The following CCDC138 variants were observed in gnomAD, a reference collection of about 807,000 sequenced individuals.
CCDC138 encodes coiled-coil domain-containing protein 138.
A neutral mutation model predicts 82.3 loss-of-function variants in CCDC138; 66 were observed. That is an observed-to-expected ratio of 0.80 (90% CI 0.66 to 0.98). CCDC138 has a LOEUF of 0.98. Ranked by LOEUF, CCDC138 falls within the 50% of genes least tolerant of loss-of-function variation. CCDC138 has a pLI of 0.00. For synonymous variants in CCDC138, 297 were observed against 265.4 expected (o/e 1.12, Z -1.16); for missense variants, 816 against 758.9 (o/e 1.08, Z -0.88).
chr2:108,857,575 C>T (rs1481612883), intron 13 of CCDC138, among the ~76,000 whole-genome samples: 3 of 152,176 alleles, frequency 2.0e-5, no homozygotes, highest in African/African-American at 4.8e-5. Context: ...TTTTCTTCTC[C>T]TGTCCCAAAA....
At chr2:108,843,876 G>GTGTGTGTGTGTGTGTGTTTGTT (rs1187530203) in intron 11 of CCDC138, among the ~76,000 whole-genome samples, 1 of 13,870 alleles carries the variant, frequency 7.2e-5, no homozygotes, top group African/African-American at 9.6e-5. Context: ...GTGTGTGTGT[G>GTGTGTGTGTGTGTGTGTTTGTT]TGTTTCTTTC....
intron 9 of CCDC138, among the ~76,000 whole-genome samples, chr2:108,814,373 G>T (rs1214576921): frequency 6.6e-6 from 1 of 152,002 alleles, no homozygotes; most frequent in African/African-American, 2.4e-5. Context: ...AAATTTTCTA[G>T]TTCTTTATAA....
chr2:108,838,022 G>A lies in CCDC138; in HGVS notation c.1207-1163G>A, dbSNP rs376068466. On this transcript the variant is annotated intron_variant, in intron 10 of 14. Transcript: ENST00000295124. ...AGACCCTTTATTGTGGTTTCCACAT[G>A]AAAGGCAATGCAGGGCAGGGTGAAT... Among the ~76,000 whole-genome samples, 170 of 152,126 alleles carry A rather than the reference G, an allele frequency of 1.1e-3. 1 individual carries two copies. In the Middle Eastern group the frequency reaches 0.017, roughly 15 times the overall value.
At chr2:108,819,194 C>T (rs560003349) in intron 10 of CCDC138, among the ~76,000 whole-genome samples, 69 of 152,248 alleles carry the variant, frequency 4.5e-4, no homozygotes, top group Non-Finnish European at 8.5e-4. Context: ...AGTTGAGAAG[C>T]TGCAGCACTC....
chr2:108,840,317 G>C, intron 11 of CCDC138, among the ~76,000 whole-genome samples: 1 of 151,886 alleles, frequency 6.6e-6, no homozygotes, highest in East Asian at 1.9e-4. Context: ...AACTCTCTTT[G>C]GTTTTGTATC....
intron 13 of CCDC138, among the ~76,000 whole-genome samples, chr2:108,860,513 G>GTT (rs113913339): frequency 3.5e-5 from 5 of 142,140 alleles, no homozygotes; most frequent in South Asian, 2.3e-4. Flanking sequence ...GGTTGTTGAG[G>GTT]TTTTTTTTTT....
chr2:108,803,605 A>G (rs1369340095), intron 6 of CCDC138, among the ~76,000 whole-genome samples: 2 of 152,152 alleles, frequency 1.3e-5, no homozygotes, highest in African/African-American at 4.8e-5. Flanking sequence ...GTGCCCAGCT[A>G]GTGGAAGTTT....
chr2:108,871,178 A>G (rs1695181969), intron 13 of CCDC138, among the ~76,000 whole-genome samples: 1 of 152,094 alleles, frequency 6.6e-6, no homozygotes, highest in Non-Finnish European at 1.5e-5. Context: ...TATACATGTT[A>G]TTTAATGAAA....
At chr2:108,840,685 T>C (rs1362821349) in intron 11 of CCDC138, among the ~76,000 whole-genome samples, 3 of 152,224 alleles carry the variant, frequency 2.0e-5, no homozygotes, top group Admixed American at 6.5e-5. Flanking sequence ...CTTCTTGATA[T>C]GGATAATTTG....
chr2:108,879,261 T>G (rs1428109275), downstream of CCDC138, among the ~76,000 whole-genome samples: 3 of 152,210 alleles, frequency 2.0e-5, no homozygotes, highest in Admixed American at 6.5e-5. Context: ...CATGAACCAA[T>G]GTGCCTAGCC....
At chr2:108,813,268 A>G (rs1478218298) in intron 9 of CCDC138, among the ~76,000 whole-genome samples, 2 of 150,596 alleles carry the variant, frequency 1.3e-5, no homozygotes, top group African/African-American at 2.4e-5. Context: ...AAAAAAAAAA[A>G]AAAAGAAAAT....
rs535876793 is a variant in CCDC138, at chr2:108,812,828, C to A, written c.942C>A (p.Tyr314Ter). Residue 314 changes from tyrosine to a stop codon, truncating the protein, a stop_gained, in exon 9 of 15, where the codon TAC becomes TAA. Coordinates refer to ENST00000295124, the MANE Select transcript of CCDC138 (RefSeq NM_144978.3). LOFTEE classifies it high-confidence loss of function. The part of the protein sequence containing the change: ...QARLDNLQRK[Y>*]EFMTIQRLKG... The stretch of plus-strand genomic sequence containing the variant: ...CATATATACTGTTGCAGAGGAAGTA[C>A]GAGTTTATGACAATACAGAGATTGA... The A allele has an allele frequency of 1.9e-6, 3 of 1,612,260 alleles. No homozygotes were observed. In the South Asian group the frequency reaches 3.3e-5, roughly 18 times the overall value.
At chr2:108,793,763 A>AT (rs977960110) in intron 4 of CCDC138, among the ~76,000 whole-genome samples, 158 of 145,512 alleles carry the variant, frequency 1.1e-3, no homozygotes, top group Middle Eastern at 3.5e-3. Context: ...CGCCCGGCTA[A>AT]TTTTTTTTTT....
chr2:108,812,950 T>TA, intron 9 of CCDC138, 23 bp downstream of exon 9: 2 of 1,609,134 alleles, frequency 1.2e-6, no homozygotes, highest in Non-Finnish European at 1.7e-6. Context: ...TATGATTTGA[T>TA]ATGATTGAAA....
Position 108,825,414 on chromosome 2 carries a change from A to G in CCDC138, c.1206+9309A>G, listed in dbSNP as rs571034287. On this transcript the variant is annotated intron_variant, in intron 10 of 14. Transcript: ENST00000295124. Reference sequence around the variant, plus strand: ...CCATCGCCTTAATCAGTTTTAGAACATTTTATCTCCTCTCTCCAAAAAAAA... The same window carrying G: ...CCATCGCCTTAATCAGTTTTAGAACGTTTTATCTCCTCTCTCCAAAAAAAA... Among the ~76,000 whole-genome samples the G allele has an allele frequency of 1.9e-4, 29 of 151,348 alleles. 1 individual carries two copies. In the South Asian group the frequency reaches 5.2e-3, roughly 27 times the overall value.
At position 108,867,630 on chromosome 2, in the gene CCDC138, G is replaced by T. The variant is rs1694620232; in HGVS notation, c.1694-5821G>T. On this transcript the variant is annotated intron_variant, in intron 13 of 14. Transcript: ENST00000295124. ...CTCCTTCCAAAAAGGAATGAGGGTG[G>T]ACTTGAAAAAAAATACTGAAGAGGA... Among the ~76,000 whole-genome samples the T allele has an allele frequency of 2.0e-5, 3 of 151,730 alleles. No homozygotes were observed. The South Asian group carries it at 6.2e-4, about 32-fold the overall frequency.
intron 10 of CCDC138, among the ~76,000 whole-genome samples, chr2:108,832,318 C>T (rs1687826705): frequency 6.6e-6 from 1 of 150,686 alleles, no homozygotes; most frequent in Admixed American, 6.6e-5. Context: ...TGACCCACCA[C>T]ACCTGGCCAG....
chr2:108,787,913 G>A (rs1190547095), intron 1 of CCDC138, 119 bp from the exon 2 acceptor site: 2 of 836,684 alleles, frequency 2.4e-6, no homozygotes, highest in Non-Finnish European at 3.6e-6. Flanking sequence ...GGTTAAGATG[G>A]TGTCTACAAG....
chr2:108,792,869 C>T (rs1680136326), intron 4 of CCDC138, among the ~76,000 whole-genome samples: 1 of 151,372 alleles, frequency 6.6e-6, no homozygotes, highest in Admixed American at 6.6e-5. Flanking sequence ...TCGAGACCAT[C>T]CTGGCTAACA....
Sources: allele counts gnomAD v4.1 joint callset (sites outside exome capture counted in the v4.1 genomes callset), GRCh38; gene constraint gnomAD v4.1.1; transcripts MANE v1.5; gene names NCBI Gene and HGNC (gene_info 2026-07-23, HGNC 2026-07-21).